The following KANSL2 variants were observed in gnomAD, a reference collection of about 807,000 sequenced individuals.
KANSL2 encodes NSL complex protein NSL2.
KANSL2 carries 34 observed loss-of-function variants against 55.6 expected under a neutral mutation model. That is an observed-to-expected ratio of 0.61 (90% confidence interval 0.46 to 0.81). KANSL2 has a LOEUF of 0.81. KANSL2 is among the 40% of genes least tolerant of loss of function. The pLI is 0.00. For synonymous variants in KANSL2, 209 were observed against 214.3 expected, an observed-to-expected ratio of 0.98 and a Z score of 0.22; for missense variants, 502 against 609.9, an observed-to-expected ratio of 0.82 and a Z score of 1.86.
intron 7 of KANSL2, among the ~76,000 whole-genome samples, chr12:48,665,935 G>A (rs1044368980): frequency 8.5e-5 from 13 of 152,192 alleles, no homozygotes; most frequent in African/African-American, 3.1e-4. Context: ...TCAAGAGACT[G>A]GGCATGGTGG....
At chr12:48,659,431 C>T (rs553379524) in intron 8 of KANSL2, among the ~76,000 whole-genome samples, 1 of 151,940 alleles carries the variant, frequency 6.6e-6, no homozygotes, top group South Asian at 2.1e-4. Context: ...GAAGACCAGC[C>T]CATGCAACAT....
chr12:48,666,782 TAGG>T (rs1313798909), intron 7 of KANSL2, among the ~76,000 whole-genome samples: 5 of 151,664 alleles, frequency 3.3e-5, no homozygotes, highest in African/African-American at 9.7e-5. Flanking sequence ...AAGGCTGAGG[TAGG>T]AGAATTGCTT....
chr12:48,679,675 C>T lies in KANSL2; in HGVS notation c.410G>A (p.Ser137Asn). 1 of 1,613,684 alleles carries T rather than the reference C, an allele frequency of 6.2e-7. No individual in the cohort carries two copies. The highest frequency in any genetic ancestry group is 8.5e-7 in the Non-Finnish European group (1 of 1,179,792). Reference sequence around the variant, plus strand: ...CTTACCTAGTATTCGGCTGGCTTCACTGCGACTACTTTCTGGAGTCTGAGA... The same window carrying T: ...CTTACCTAGTATTCGGCTGGCTTCATTGCGACTACTTTCTGGAGTCTGAGA... Reference protein sequence around the residue: ...LGSQTPESSRSEASRILDEDS... With the variant: ...LGSQTPESSRNEASRILDEDS... Residue 137 changes from serine to asparagine, a missense_variant, in exon 3 of 10, where the codon AGT becomes AAT. Transcript: ENST00000420613.
intron 4 of KANSL2, among the ~76,000 whole-genome samples, chr12:48,672,767 A>T (rs1020331076): frequency 1.4e-5 from 2 of 143,510 alleles, no homozygotes; most frequent in South Asian, 4.4e-4. Flanking sequence ...ACATCAAATA[A>T]TTTTTTTTTT....
intron 1 of KANSL2, 78 bp downstream of exon 1, chr12:48,682,109 A>G: frequency 1.4e-6 from 1 of 702,992 alleles, no homozygotes. Context: ...GAGGCGGAGT[A>G]GCAGCTCTGA....
chr12:48,667,742 A>G lies in KANSL2; in HGVS notation c.924T>C (p.Asp308=). 1 of 1,613,958 alleles carries G rather than the reference A, an allele frequency of 6.2e-7. No homozygotes were observed. The highest frequency in any genetic ancestry group is 1.1e-5 in the South Asian group (1 of 91,086). The change falls in exon 7 of 10, where the codon GAT becomes GAC. Residue 308 remains aspartate, a synonymous_variant. Coordinates refer to ENST00000420613, the MANE Select transcript of KANSL2 (RefSeq NM_017822.4). The part of the protein sequence containing the change: ...SSQRCLAFVD[D]VRCSNQSLPM... ...GAAGAGACTGATTGGAACAACGAACATCATCCACAAAGGCCAAGCACCTCT... is the reference window on the plus strand; with the variant it reads ...GAAGAGACTGATTGGAACAACGAACGTCATCCACAAAGGCCAAGCACCTCT...
intron 8 of KANSL2, among the ~76,000 whole-genome samples, chr12:48,657,317 C>T (rs1343648108): frequency 6.6e-6 from 1 of 152,008 alleles, no homozygotes. Flanking sequence ...CCCAGCTACT[C>T]AGGACACTGA....
In KANSL2 at chr12:48,667,772, G is replaced by A. The variant is rs1388372618; in HGVS notation, c.894C>T (p.Ser298=). ...CCACAAAGGCCAAGCACCTCTGACTGGAACGAGTGGTATGGGCCTGAAATG... is the reference window on the plus strand; with the variant it reads ...CCACAAAGGCCAAGCACCTCTGACTAGAACGAGTGGTATGGGCCTGAAATG... ...GAAQQAHTTR[S]SQRCLAFVDD... The change falls in exon 7 of 10, where the codon TCC becomes TCT. Residue 298 remains serine (S), a synonymous_variant. Coordinates refer to ENST00000420613, the MANE Select transcript of KANSL2 (RefSeq NM_017822.4). The A allele has an allele frequency of 6.8e-6, 11 of 1,613,358 alleles. No individual in the cohort carries two copies. The East Asian group carries it at 2.0e-4, about 29-fold the overall frequency.
chr12:48,668,561 T>C (rs554440914), intron 6 of KANSL2, among the ~76,000 whole-genome samples: 33 of 152,156 alleles, frequency 2.2e-4, no homozygotes, highest in African/African-American at 8.0e-4. Flanking sequence ...CAGCCAGACA[T>C]GGTGGCACAT....
chr12:48,672,430 TA>T (rs200878675), intron 4 of KANSL2, among the ~76,000 whole-genome samples: 9,053 of 99,806 alleles, frequency 0.091, 409 homozygotes, highest in Non-Finnish European at 0.11. Flanking sequence ...TATATATATA[TA>T]TATTTTTTTT....
At position 48,681,560 on chromosome 12, in the gene KANSL2, G is replaced by C. The variant is rs746578917; in HGVS notation, c.73C>G (p.Pro25Ala). The C allele has an allele frequency of 1.9e-6, 3 of 1,614,004 alleles. No individual in the cohort carries two copies. The highest frequency in any genetic ancestry group is 2.7e-5 in the African/African-American group (2 of 75,042). Residue 25 changes from proline (P) to alanine (A), a missense_variant, in exon 2 of 10, where the codon CCT becomes GCT. By Grantham distance (27) the Pro-to-Ala change is conservative (BLOSUM62 -1). Transcript: ENST00000420613. Reference protein sequence around the residue: ...RITPVPRSQEPLSCAFTHRPC... With the variant: ...RITPVPRSQEALSCAFTHRPC... ...CGATGAGTGAATGCACAAGACAGAG[G>C]TTCCTGAGACCTGGGCACTGGAGTG... is the stretch of plus-strand genomic sequence containing the variant.
Position 48,671,783 on chromosome 12 carries a change from C to T in KANSL2, c.709+16G>A, listed in dbSNP as rs776528189. On this transcript the variant is annotated intron_variant, in intron 5 of 9. Transcript: ENST00000420613. Reference sequence around the variant, plus strand: ...TTAAACCCACAACAGCTTGTTGGAACTGGCATAAAACTTGCCTAGAGCTTC... The same window carrying T: ...TTAAACCCACAACAGCTTGTTGGAATTGGCATAAAACTTGCCTAGAGCTTC... The T allele has an allele frequency of 1.3e-6, 2 of 1,597,288 alleles. No individual in the cohort carries two copies. Among genetic ancestry groups the T allele is most frequent in the South Asian group, 2.2e-5 (2 of 88,998 alleles).
At chr12:48,660,302 T>C in intron 8 of KANSL2, 64 bp downstream of exon 8, 1 of 1,571,450 alleles carries the variant, frequency 6.4e-7, no homozygotes, top group African/African-American at 1.4e-5. Context: ...TAACCTATTC[T>C]CACCATTAAT....
intron 7 of KANSL2, chr12:48,662,410 CT>C (rs1456826974): frequency 5.7e-5 from 52 of 909,974 alleles, no homozygotes; most frequent in South Asian, 1.3e-4. Flanking sequence ...TGGCCAAGAA[CT>C]TTTTTTTATT....
intron 7 of KANSL2, among the ~76,000 whole-genome samples, chr12:48,667,250 G>A (rs1939618167): frequency 6.6e-6 from 1 of 152,074 alleles, no homozygotes; most frequent in South Asian, 2.1e-4. Context: ...GATAATACTA[G>A]AAGTTCACAG....
intron 5 of KANSL2, 47 bp from the exon 6 acceptor site, chr12:48,669,319 G>A: frequency 7.0e-7 from 1 of 1,427,092 alleles, no homozygotes; most frequent in Non-Finnish European, 9.4e-7. Context: ...AATCCATCAA[G>A]GTTACGTCTC....
chr12:48,679,181 G>A, intron 3 of KANSL2, 31 bp from the exon 4 acceptor site: 1 of 1,424,846 alleles, frequency 7.0e-7, no homozygotes, highest in Non-Finnish European at 9.9e-7. Flanking sequence ...CAGCCATTAA[G>A]ACTTCCCACC....
intron 4 of KANSL2, among the ~76,000 whole-genome samples, chr12:48,676,613 G>GC (rs1565609483): frequency 6.6e-6 from 1 of 151,924 alleles, no homozygotes; most frequent in African/African-American, 2.4e-5. Flanking sequence ...AGCTGAGATC[G>GC]CACCATTGCA....
Position 48,671,780 on chromosome 12 carries a change from G to A in KANSL2, c.709+19C>T, listed in dbSNP as rs772081701. On this transcript the variant is annotated intron_variant, in intron 5 of 9. Transcript: ENST00000420613. ...ATGTTAAACCCACAACAGCTTGTTGGAACTGGCATAAAACTTGCCTAGAGC... is the reference window on the plus strand; with the variant it reads ...ATGTTAAACCCACAACAGCTTGTTGAAACTGGCATAAAACTTGCCTAGAGC... The A allele has an allele frequency of 1.9e-6, 3 of 1,596,462 alleles. No homozygotes were observed. Among genetic ancestry groups the A allele is most frequent in the Admixed American group, 3.5e-5 (2 of 57,174 alleles).
Sources: gnomAD v4.1 joint callset for allele counts (sites outside exome capture counted in the v4.1 genomes callset) on GRCh38, gnomAD v4.1.1 for gene constraint, MANE v1.5 for transcripts, NCBI Gene and HGNC (gene_info 2026-07-23, HGNC 2026-07-21) for gene names.